Variants in PAWR observed in about 807,000 individuals in gnomAD.
The protein encoded by PAWR is PRKC apoptosis WT1 regulator protein.
A neutral mutation model predicts 32.0 loss-of-function variants in PAWR; 23 were observed. The observed-to-expected ratio is 0.72, with a 90% CI of 0.52 to 1.02. PAWR has a LOEUF of 1.02. PAWR is among the 50% of genes least tolerant of loss of function. PAWR has a pLI of 0.00. For missense variants in PAWR, 457 were observed against 437.7 expected (o/e 1.04, Z -0.39); for synonymous variants, 226 against 187.1 (o/e 1.21, Z -1.70).
intron 2 of PAWR, among the ~76,000 whole-genome samples, chr12:79,638,863 CATATATATATATAT>C (rs1555237600): frequency 8.6e-4 from 7 of 8,148 alleles, no homozygotes; most frequent in South Asian, 8.2e-3. Flanking sequence ...GAGATGGAGT[CATATATATATATAT>C]ATATATATAT....
At chr12:79,626,350 C>A (rs1875318162) in intron 2 of PAWR, among the ~76,000 whole-genome samples, 1 of 148,880 alleles carries the variant, frequency 6.7e-6, no homozygotes, top group Non-Finnish European at 1.5e-5. Flanking sequence ...AGCTCCGCCT[C>A]CCAGGTTCAC....
chr12:79,690,036 T>C lies in PAWR; in HGVS notation c.209A>G (p.Asn70Ser). 1 of 1,345,148 alleles carries C rather than the reference T, an allele frequency of 7.4e-7. No homozygotes were observed. The highest frequency in any genetic ancestry group is 9.5e-7 in the Non-Finnish European group (1 of 1,057,514). 83.3% of individuals were successfully genotyped at this position (1,345,148 alleles called of 1,614,324 possible). ...TPAAAAANEL[N>S]NNLPGGAPAA... ...CGGCGCGCCGCCCGGGAGGTTGTTG[T>C]TGAGCTCGTTGGCAGCGGCGGCCGC... is the stretch of plus-strand genomic sequence containing the variant. The change falls in exon 2 of 7, where the codon AAC (asparagine) becomes AGC (serine). Residue 70 changes from asparagine to serine, a missense_variant. Asn to Ser is a conservative substitution (Grantham distance 46, BLOSUM62 1). Transcript: ENST00000328827.
intron 2 of PAWR, among the ~76,000 whole-genome samples, chr12:79,622,379 A>C (rs760950976): frequency 6.6e-6 from 1 of 152,104 alleles, no homozygotes; most frequent in Non-Finnish European, 1.5e-5. Flanking sequence ...ACACATGTAT[A>C]CATGTGCCAT....
intron 6 of PAWR, among the ~76,000 whole-genome samples, chr12:79,593,189 T>C (rs894626272): frequency 9.2e-5 from 14 of 152,150 alleles, no homozygotes; most frequent in Non-Finnish European, 2.1e-4. Flanking sequence ...GGGATAACAC[T>C]CTGGAGAGGT....
intron 3 of PAWR, among the ~76,000 whole-genome samples, chr12:79,619,639 G>A (rs955632339): frequency 5.3e-5 from 8 of 152,184 alleles, no homozygotes; most frequent in African/African-American, 1.7e-4. Flanking sequence ...TCATTGAAAC[G>A]GCTTGTAAAA....
At chr12:79,635,939 T>C (rs993991310) in intron 2 of PAWR, among the ~76,000 whole-genome samples, 1 of 152,144 alleles carries the variant, frequency 6.6e-6, no homozygotes, top group African/African-American at 2.4e-5. Flanking sequence ...GAGACTAGAC[T>C]GACTGGACTG....
Position 79,590,582 on chromosome 12 carries a change from C to A in PAWR, c.*2025G>T, listed in dbSNP as rs1293300958. ...ATTAAATAGAAAATTCAAAGTAATT[C>A]TTTTAATAAAAACCCATATACTAAT... On this transcript the variant is annotated 3_prime_UTR_variant, in exon 7 of 7. Coordinates refer to ENST00000328827, the MANE Select transcript of PAWR (RefSeq NM_002583.4). 1 of 152,080 alleles carries A rather than the reference C, an allele frequency of 6.6e-6. No homozygotes were observed. The highest frequency in any genetic ancestry group is 1.5e-5 in the Non-Finnish European group (1 of 68,004). The allele number at this position is 152,080 out of a possible 1,614,324, so 9.4% of individuals were successfully genotyped here. A position where few individuals can be genotyped will look rare whatever the true frequency, so the allele number is the denominator to read the frequency against.
At chr12:79,685,019 T>C (rs145180869) in intron 2 of PAWR, among the ~76,000 whole-genome samples, 56 of 152,232 alleles carry the variant, frequency 3.7e-4, no homozygotes, top group African/African-American at 1.3e-3. Flanking sequence ...AATGCACTAA[T>C]GTATGTCAAG....
chr12:79,612,052 A>C (rs779764154), intron 4 of PAWR, among the ~76,000 whole-genome samples: 6 of 152,138 alleles, frequency 3.9e-5, no homozygotes, highest in Non-Finnish European at 7.4e-5. Context: ...TCCAAACCAA[A>C]AACTAATGCT....
intron 2 of PAWR, among the ~76,000 whole-genome samples, chr12:79,651,082 T>C (rs113704873): frequency 1.5e-4 from 23 of 152,312 alleles, no homozygotes; most frequent in Non-Finnish European, 2.9e-4. Context: ...ATACATCCTA[T>C]AGTAATAAAT....
intron 4 of PAWR, among the ~76,000 whole-genome samples, chr12:79,608,501 C>A (rs1370356582): frequency 6.6e-6 from 1 of 152,184 alleles, no homozygotes; most frequent in Non-Finnish European, 1.5e-5. Flanking sequence ...ACTGACTGCT[C>A]ACCTCCTGCT....
intron 2 of PAWR, among the ~76,000 whole-genome samples, chr12:79,681,659 T>C (rs1386714984): frequency 6.6e-6 from 1 of 152,208 alleles, no homozygotes; most frequent in Non-Finnish European, 1.5e-5. Flanking sequence ...TTTCCTTGGA[T>C]TTATTTCCAT....
At chr12:79,605,539 G>A (rs985770103) in intron 4 of PAWR, among the ~76,000 whole-genome samples, 6 of 150,180 alleles carry the variant, frequency 4.0e-5, no homozygotes, top group Non-Finnish European at 7.4e-5. Context: ...TAAAAAAAAA[G>A]CCTTCAACTA....
intron 5 of PAWR, 76 bp downstream of exon 5, chr12:79,596,435 C>T: frequency 2.8e-6 from 2 of 704,110 alleles, no homozygotes; most frequent in Non-Finnish European, 4.7e-6. Flanking sequence ...TTTCCTTTCT[C>T]ACTCAGTTGC....
At chr12:79,622,690 T>C (rs1010922085) in intron 2 of PAWR, among the ~76,000 whole-genome samples, 4 of 152,046 alleles carry the variant, frequency 2.6e-5, no homozygotes, top group African/African-American at 7.2e-5. Context: ...AGCATGCAGG[T>C]TGAGATTTGG....
intron 4 of PAWR, among the ~76,000 whole-genome samples, chr12:79,606,094 A>G (rs1350073633): frequency 6.6e-6 from 1 of 152,134 alleles, no homozygotes; most frequent in East Asian, 1.9e-4. Context: ...AACAAACAAA[A>G]AAACCCAAGA....
At chr12:79,609,158 C>G (rs2136692410) in intron 4 of PAWR, among the ~76,000 whole-genome samples, 1 of 152,260 alleles carries the variant, frequency 6.6e-6, no homozygotes, top group South Asian at 2.1e-4. Context: ...TTATAAAATA[C>G]AGTAGCCTAA....
intron 2 of PAWR, among the ~76,000 whole-genome samples, chr12:79,652,329 C>A (rs1359133446): frequency 6.6e-6 from 1 of 152,108 alleles, no homozygotes; most frequent in African/African-American, 2.4e-5. Flanking sequence ...CCCTAAAAAC[C>A]TTTCAACAGC....
chr12:79,616,676 C>T (rs17005748), intron 3 of PAWR, among the ~76,000 whole-genome samples: 1,925 of 151,992 alleles, frequency 0.013, 49 homozygotes, highest in African/African-American at 0.043. Context: ...AACCAGAAGT[C>T]ATGTAAAAAT....
Sources: allele counts gnomAD v4.1 joint callset (sites outside exome capture counted in the v4.1 genomes callset), GRCh38; gene constraint gnomAD v4.1.1; transcripts MANE v1.5; gene names NCBI Gene and HGNC (gene_info 2026-07-23, HGNC 2026-07-21).